Variants in EDRF1 observed in about 807,000 individuals in gnomAD.
EDRF1 encodes the protein erythroid differentiation-related factor 1.
EDRF1 carries 69 observed loss-of-function variants against 148.7 expected under a neutral mutation model. The ratio of observed to expected loss-of-function variants is 0.46; its 90% CI spans 0.38 to 0.57. The LOEUF is 0.57. EDRF1 is among the 20% of genes least tolerant of loss of function. The pLI is 0.00. For synonymous variants in EDRF1, 515 were observed against 532.8 expected (o/e 0.97, Z 0.46); for missense variants, 1,118 against 1,478.7 (o/e 0.76, Z 4.00).
chr10:125,723,676 GT>G, intron 3 of EDRF1, 134 bp from the exon 4 acceptor site: 1 of 940,666 alleles, frequency 1.1e-6, no homozygotes, highest in Non-Finnish European at 1.6e-6. Flanking sequence ...GTAGCTTTTT[GT>G]TTAAAGTTCT....
intron 7 of EDRF1, 61 bp downstream of exon 7, chr10:125,729,165 A>G: frequency 6.6e-7 from 1 of 1,507,130 alleles, no homozygotes; most frequent in Non-Finnish European, 8.9e-7. Context: ...TCATTTCAAA[A>G]CTAGCCTAAG....
chr10:125,726,070 T>G (rs992234515), intron 6 of EDRF1, among the ~76,000 whole-genome samples: 1 of 152,114 alleles, frequency 6.6e-6, no homozygotes, highest in Non-Finnish European at 1.5e-5. Context: ...TTTTATTAAA[T>G]CGAAATATAA....
chr10:125,728,859 G>A lies in EDRF1; in HGVS notation c.793-144G>A, dbSNP rs1041045878. ...GCCAAAGCAAGCCACCCAATGAGGCGTGTTATTATTTGTATTGGCCTAATA... is the reference window on the plus strand; with the variant it reads ...GCCAAAGCAAGCCACCCAATGAGGCATGTTATTATTTGTATTGGCCTAATA... On this transcript the variant is annotated intron_variant, in intron 6 of 24. Coordinates refer to ENST00000356792, the MANE Select transcript of EDRF1 (RefSeq NM_001202438.2). 144 of 628,710 alleles carry A rather than the reference G, an allele frequency of 2.3e-4. 2 individuals carry two copies. Among genetic ancestry groups the A allele is most frequent in the South Asian group, 1.9e-3 (77 of 41,144 alleles). 38.9% of individuals were successfully genotyped at this position (628,710 alleles called of 1,614,324 possible). A position where few individuals can be genotyped will look rare whatever the true frequency, so the allele number is the denominator to read the frequency against.
At chr10:125,728,406 A>G (rs1350466280) in intron 6 of EDRF1, among the ~76,000 whole-genome samples, 2 of 152,138 alleles carry the variant, frequency 1.3e-5, no homozygotes, top group Non-Finnish European at 2.9e-5. Context: ...CTGACTCTGG[A>G]AAATTTTCAT....
Position 125,752,842 on chromosome 10 carries a change from T to A in EDRF1, c.3321T>A (p.Ala1107=), listed in dbSNP as rs1229237697. 1 of 1,613,964 alleles carries A rather than the reference T, an allele frequency of 6.2e-7. No individual in the cohort carries two copies. The highest frequency in any genetic ancestry group is 2.2e-5 in the East Asian group (1 of 44,858). The change falls in exon 23 of 25, where the codon GCT becomes GCA. Residue 1107 remains alanine, a synonymous_variant. Coordinates refer to ENST00000356792, the MANE Select transcript of EDRF1 (RefSeq NM_001202438.2). ...GAAAGTTGAAAACACTATCTGGGGC[T>A]CTTGATATAATGGTGAGAACTGAGC... ...NVGKLKTLSG[A]LDIMVRTEHA... is the part of the protein sequence containing the mutation.
intron 22 of EDRF1, chr10:125,751,844 G>A (rs1849658609): frequency 6.6e-6 from 1 of 152,256 alleles, no homozygotes; most frequent in Admixed American, 6.5e-5. Context: ...TCGGGAGGCA[G>A]AGTCCTGGAG....
chr10:125,749,090 T>G, intron 21 of EDRF1: 1 of 345,046 alleles, frequency 2.9e-6, no homozygotes, highest in Non-Finnish European at 5.5e-6. Flanking sequence ...AGAAAAAAAT[T>G]AAAAAATTAG....
chr10:125,733,395 A>G lies in EDRF1; in HGVS notation c.1129-9A>G, dbSNP rs768270288. 1 of 1,559,928 alleles carries G rather than the reference A, an allele frequency of 6.4e-7. No homozygotes were observed. Among genetic ancestry groups the G allele is most frequent in the Non-Finnish European group, 8.7e-7 (1 of 1,147,050 alleles). ...CTTAAACTGCTTTCCATCTGTCTGT[A>G]TTTTACAGAAATATGAAATGATAAA... On this transcript the variant is annotated splice_polypyrimidine_tract_variant and intron_variant, in intron 9 of 24. Transcript: ENST00000356792.
chr10:125,730,391 A>AT lies in EDRF1; in HGVS notation c.1122dup (p.Val375CysfsTer5). On this transcript the variant is annotated frameshift_variant, in exon 9 of 25. Coordinates refer to ENST00000356792, the MANE Select transcript of EDRF1 (RefSeq NM_001202438.2). LOFTEE classifies it high-confidence loss of function. Reference sequence around the variant, plus strand: ...TGTGATGTGTTTTCATGTAAATGGAATTGTACAGGTAAGATACAGTGTGAT... The same window carrying AT: ...TGTGATGTGTTTTCATGTAAATGGAATTTGTACAGGTAAGATACAGTGTGAT... The AT allele has an allele frequency of 6.2e-7, 1 of 1,612,100 alleles. No individual in the cohort carries two copies. Among genetic ancestry groups the AT allele is most frequent in the Middle Eastern group, 1.7e-4 (1 of 6,056 alleles).
At position 125,727,731 on chromosome 10, in the gene EDRF1, C is replaced by T. The variant is rs73379218; in HGVS notation, c.793-1272C>T. ...TGGCACACACAGATGACAAGTAAGA[C>T]AGATGTTTGTGGAATAAGCAACACA... On this transcript the variant is annotated intron_variant, in intron 6 of 24. Coordinates refer to ENST00000356792, the MANE Select transcript of EDRF1 (RefSeq NM_001202438.2). Among the ~76,000 whole-genome samples, 537 of 152,300 alleles carry T rather than the reference C, an allele frequency of 3.5e-3. 3 individuals carry two copies. Among genetic ancestry groups the T allele is most frequent in the African/African-American group, 0.012 (515 of 41,542 alleles).
chr10:125,741,148 C>T lies in EDRF1; in HGVS notation c.2318C>T (p.Thr773Ile). 2 of 1,614,120 alleles carry T rather than the reference C, an allele frequency of 1.2e-6. No individual in the cohort carries two copies. Among genetic ancestry groups the T allele is most frequent in the South Asian group, 1.1e-5 (1 of 91,078 alleles). ...AAHLEEFHYQ[T>I]KEDQEILHSL... Reference sequence around the variant, plus strand: ...CACCTTGAAGAGTTTCATTACCAAACAAAAGAAGACCAGGAGATCCTGCAT... The same window carrying T: ...CACCTTGAAGAGTTTCATTACCAAATAAAAGAAGACCAGGAGATCCTGCAT... Residue 773 changes from threonine to isoleucine, a missense_variant, in exon 17 of 25, where the codon ACA becomes ATA. By Grantham distance (89) the Thr-to-Ile change is moderately conservative. Coordinates refer to ENST00000356792, the MANE Select transcript of EDRF1 (RefSeq NM_001202438.2).
intron 15 of EDRF1, among the ~76,000 whole-genome samples, chr10:125,740,234 A>G (rs1280967927): frequency 6.6e-6 from 1 of 152,184 alleles, no homozygotes; most frequent in Non-Finnish European, 1.5e-5. Flanking sequence ...ACTGGAAGAG[A>G]ATGACAGAGT....
intron 13 of EDRF1, among the ~76,000 whole-genome samples, chr10:125,737,507 C>T (rs576843164): frequency 6.6e-6 from 1 of 152,310 alleles, no homozygotes; most frequent in African/African-American, 2.4e-5. Flanking sequence ...TGAAATGCTT[C>T]ACAGAAGCCC....
chr10:125,761,759 T>G (rs1291786498), intron 24 of EDRF1, among the ~76,000 whole-genome samples: 1 of 152,200 alleles, frequency 6.6e-6, no homozygotes, highest in Non-Finnish European at 1.5e-5. Context: ...ATTTTAAGTT[T>G]ATGATCCCTG....
intron 9 of EDRF1, 48 bp from the exon 10 acceptor site, chr10:125,733,356 T>G (rs1294626774): frequency 4.1e-6 from 6 of 1,466,428 alleles, no homozygotes; most frequent in South Asian, 1.2e-5. Flanking sequence ...AGGTGTTGTT[T>G]CCTTGGGTTT....
At chr10:125,730,969 C>G (rs1017186310) in intron 9 of EDRF1, among the ~76,000 whole-genome samples, 1 of 151,962 alleles carries the variant, frequency 6.6e-6, no homozygotes, top group South Asian at 2.1e-4. Flanking sequence ...CGTAGTGAGA[C>G]CCTAATTGTA....
intron 9 of EDRF1, 152 bp downstream of exon 9, chr10:125,730,551 G>A (rs1466233139): frequency 1.4e-6 from 1 of 699,292 alleles, no homozygotes; most frequent in East Asian, 2.7e-5. Flanking sequence ...ATTTAAGTTG[G>A]TGATAACAGA....
intron 8 of EDRF1, 48 bp downstream of exon 8, chr10:125,729,527 TC>T: frequency 3.1e-6 from 5 of 1,611,044 alleles, no homozygotes; most frequent in Non-Finnish European, 4.2e-6. Context: ...TTTAAATTCT[TC>T]CTTTAGAATC....
At chr10:125,741,452 G>A (rs1277712387) in intron 17 of EDRF1, 1 of 478,270 alleles carries the variant, frequency 2.1e-6, no homozygotes, top group African/African-American at 2.0e-5. Context: ...CAAGTAGCTG[G>A]AATTACAGGC....
Sources: gnomAD v4.1 joint callset for allele counts (sites outside exome capture counted in the v4.1 genomes callset) on GRCh38, gnomAD v4.1.1 for gene constraint, MANE v1.5 for transcripts, NCBI Gene and HGNC (gene_info 2026-07-23, HGNC 2026-07-21) for gene names.